The following SDK1 variants were observed in gnomAD, a reference collection of about 807,000 sequenced individuals.
SDK1 encodes sidekick cell adhesion molecule 1, also known as protein sidekick-1.
In SDK1, 157 loss-of-function variants were observed where a neutral mutation model predicts 245.5. The ratio of observed to expected loss-of-function variants is 0.64; its 90% CI spans 0.56 to 0.73. The LOEUF (loss-of-function observed/expected upper bound fraction) is 0.73. Ranked by LOEUF, SDK1 falls within the 30% of genes least tolerant of loss-of-function variation. The pLI is 0.00. For missense variants in SDK1, 3,583 were observed against 3,002.3 expected (o/e 1.19, Z -4.52); for synonymous variants, 1,647 against 1,278.5 (o/e 1.29, Z -6.15).
chr7:3,533,406 CA>C (rs1783414631), intron 1 of SDK1, among the ~76,000 whole-genome samples: 1 of 152,126 alleles, frequency 6.6e-6, no homozygotes, highest in Non-Finnish European at 1.5e-5. Context: ...CATTTGACTT[CA>C]AAATAACATG....
At chr7:3,350,919 T>G (rs1780643353) in intron 1 of SDK1, among the ~76,000 whole-genome samples, 1 of 152,216 alleles carries the variant, frequency 6.6e-6, no homozygotes, top group Non-Finnish European at 1.5e-5. Context: ...GTTTATATTT[T>G]GAGCTGGGTA....
At chr7:4,199,474 G>T (rs775119418) in intron 35 of SDK1, among the ~76,000 whole-genome samples, 6 of 152,212 alleles carry the variant, frequency 3.9e-5, no homozygotes, top group Non-Finnish European at 8.8e-5. Context: ...CGCCAGAATT[G>T]TCTAGCAGTA....
intron 5 of SDK1, among the ~76,000 whole-genome samples, chr7:3,866,263 A>T (rs913707625): frequency 6.6e-6 from 1 of 152,166 alleles, no homozygotes; most frequent in Admixed American, 6.5e-5. Flanking sequence ...TGCATCTCTC[A>T]CTGGAGAGGC....
intron 1 of SDK1, among the ~76,000 whole-genome samples, chr7:3,386,328 A>G (rs891426242): frequency 6.6e-6 from 1 of 152,176 alleles, no homozygotes; most frequent in African/African-American, 2.4e-5. Context: ...AGCTATCATG[A>G]ATTTCTGAAT....
intron 1 of SDK1, among the ~76,000 whole-genome samples, chr7:3,536,949 C>T (rs1778906294): frequency 6.6e-6 from 1 of 152,076 alleles, no homozygotes; most frequent in Admixed American, 6.6e-5. Context: ...TTAAATCACA[C>T]ATCATTAAAA....
chr7:3,954,065 ATTAC>A (rs1240863941), intron 7 of SDK1, among the ~76,000 whole-genome samples: 2 of 151,874 alleles, frequency 1.3e-5, no homozygotes, highest in African/African-American at 2.4e-5. Flanking sequence ...ATGGGCTCCT[ATTAC>A]TTGTATTTTA....
At chr7:3,614,334 G>T (rs920851078) in intron 1 of SDK1, among the ~76,000 whole-genome samples, 50 of 152,096 alleles carry the variant, frequency 3.3e-4, no homozygotes, top group African/African-American at 1.1e-3. Flanking sequence ...AATGTTCGTT[G>T]TTAGAATACA....
intron 5 of SDK1, among the ~76,000 whole-genome samples, chr7:3,830,264 A>G (rs934946348): frequency 3.3e-5 from 5 of 152,156 alleles, no homozygotes; most frequent in African/African-American, 1.2e-4. Context: ...ACGTCTCCCA[A>G]TTATGCTGCG....
Position 4,237,729 on chromosome 7 carries a change from G to T in SDK1, c.6075G>T (p.Val2025=). The change falls in exon 42 of 45, where the codon GTG becomes GTT. Residue 2025 remains valine (V), a synonymous_variant. Coordinates refer to ENST00000404826, the MANE Select transcript of SDK1 (RefSeq NM_152744.4). The part of the protein sequence containing the change: ...ALSSLIVILL[V]VFALVLHGQN... ...CCAGCCTGATCGTCATCCTGCTGGTGGTGTTCGCCCTCGTCCTGCACGGGC... is the reference window on the plus strand; with the variant it reads ...CCAGCCTGATCGTCATCCTGCTGGTTGTGTTCGCCCTCGTCCTGCACGGGC... 2.5e-6 allele frequency: 4 copies of T among 1,614,178 alleles called. No homozygotes were observed. The African/African-American group carries it at 5.3e-5, about 22-fold the overall frequency.
In SDK1 at chr7:4,011,103, G is replaced by C. The variant is rs989964335; in HGVS notation, c.2269G>C (p.Glu757Gln). The change falls in exon 15 of 45, where the codon GAG becomes CAG. Residue 757 changes from glutamate (E) to glutamine (Q), a missense_variant. Transcript: ENST00000404826. ...AGTGGGCAGGGGCCAGTACAGCGCC[G>C]AGACAAGCAGGTGCGTGAATCCCGC... ...NEVGRGQYSA[E>Q]TSRLMLPEEP... 1 of 1,613,602 alleles carries C rather than the reference G, an allele frequency of 6.2e-7. No homozygotes were observed. Among genetic ancestry groups the C allele is most frequent in the African/African-American group, 1.3e-5 (1 of 74,932 alleles).
chr7:4,126,492 G>A (rs754819792), intron 25 of SDK1, among the ~76,000 whole-genome samples: 48 of 152,108 alleles, frequency 3.2e-4, no homozygotes, highest in Admixed American at 1.0e-3. Context: ...AGGCCGAGGC[G>A]GACAAATCAC....
At chr7:4,207,683 T>G (rs1369786018) in intron 36 of SDK1, among the ~76,000 whole-genome samples, 1 of 152,020 alleles carries the variant, frequency 6.6e-6, no homozygotes, top group African/African-American at 2.4e-5. Context: ...ACGGGGCGGC[T>G]TCCCTTCTCT....
chr7:3,468,914 G>T (rs753634560), intron 1 of SDK1, among the ~76,000 whole-genome samples: 2 of 152,088 alleles, frequency 1.3e-5, no homozygotes, highest in African/African-American at 2.4e-5. Flanking sequence ...AGAGGGTGAA[G>T]GGGGTAGGTT....
Position 3,301,655 on chromosome 7 carries a change from GGGCCCCGGGC to G in SDK1, c.74_83del (p.Pro25ArgfsTer183). The G allele has an allele frequency of 1.0e-6, 1 of 976,400 alleles. No individual in the cohort carries two copies. Among genetic ancestry groups the G allele is most frequent in the Non-Finnish European group, 1.2e-6 (1 of 826,124 alleles). The allele number at this position is 976,400 out of a possible 1,614,324, so 60.5% of individuals were successfully genotyped here. ...GCGGCGCGGAGCCCCCTGAGCGCGC[GGGCCCCGGGC>G]GGCCGCGGGGATCCCCGCCCGGCCG... On this transcript the variant is annotated frameshift_variant, in exon 1 of 45. Coordinates refer to ENST00000404826, the MANE Select transcript of SDK1 (RefSeq NM_152744.4). LOFTEE classifies it high-confidence loss of function.
At chr7:3,803,537 C>T (rs1254906006) in intron 4 of SDK1, among the ~76,000 whole-genome samples, 7 of 151,814 alleles carry the variant, frequency 4.6e-5, no homozygotes, top group Admixed American at 4.6e-4. Flanking sequence ...TCTCAAACTC[C>T]TGACCTCAAG....
intron 1 of SDK1, among the ~76,000 whole-genome samples, chr7:3,426,808 G>C (rs1779690966): frequency 6.6e-6 from 1 of 152,096 alleles, no homozygotes; most frequent in African/African-American, 2.4e-5. Flanking sequence ...TGCAGAAAAT[G>C]ACCTGTTAAT....
rs71029672 is a variant in SDK1 at position 3,435,321 on chromosome 7, C to CTT, written c.298+133463_298+133464dup. ...ATACTTGACTTATGAAGGGGACTGC[C>CTT]TTTTTTTTTTTTTTTTTTTTTTTTT... On this transcript the variant is annotated intron_variant, in intron 1 of 44. Transcript: ENST00000404826. Among the ~76,000 whole-genome samples, 159 of 56,896 alleles carry CTT rather than the reference C, an allele frequency of 2.8e-3. 21 individuals are homozygous for CTT. The highest frequency in any genetic ancestry group is 0.011 in the African/African-American group (119 of 10,994). The allele number at this position is 56,896 out of a possible 152,430, so 37.3% of individuals were successfully genotyped here. A position where few individuals can be genotyped will look rare whatever the true frequency, so the allele number is the denominator to read the frequency against.
At chr7:3,975,844 C>A (rs1782886437) in intron 13 of SDK1, among the ~76,000 whole-genome samples, 1 of 152,262 alleles carries the variant, frequency 6.6e-6, no homozygotes, top group Admixed American at 6.5e-5. Flanking sequence ...CCCCATGGCT[C>A]TACAGAATCA....
intron 1 of SDK1, among the ~76,000 whole-genome samples, chr7:3,374,577 C>A (rs1036673084): frequency 6.6e-6 from 1 of 152,102 alleles, no homozygotes; most frequent in African/African-American, 2.4e-5. Context: ...ATTTAACCTA[C>A]ACTATATTTT....
Sources: allele counts gnomAD v4.1 joint callset (sites outside exome capture counted in the v4.1 genomes callset), GRCh38; gene constraint gnomAD v4.1.1; transcripts MANE v1.5; gene names NCBI Gene and HGNC (gene_info 2026-07-23, HGNC 2026-07-21).